The following ATPAF1 variants were observed in gnomAD, a reference collection of about 807,000 sequenced individuals.
ATPAF1 encodes the protein homolog of yeast ATP11.
A neutral mutation model predicts 43.9 loss-of-function variants in ATPAF1; 26 were observed. The ratio of observed to expected loss-of-function variants is 0.59; its 90% CI spans 0.43 to 0.82. The LOEUF (loss-of-function observed/expected upper bound fraction) is 0.82. Ranked by LOEUF, ATPAF1 falls within the 40% of genes least tolerant of loss-of-function variation. ATPAF1 has a pLI of 0.00. For synonymous variants in ATPAF1, 157 were observed against 168.0 expected, an observed-to-expected ratio of 0.93 and a Z score of 0.50; for missense variants, 366 against 435.0, an observed-to-expected ratio of 0.84 and a Z score of 1.41.
At chr1:46,665,748 T>C in intron 1 of ATPAF1, 1 of 1,518,552 alleles carries the variant, frequency 6.6e-7, no homozygotes, top group Non-Finnish European at 8.8e-7. Context: ...CTTGAATACA[T>C]CCAGTTCTTG....
intron 2 of ATPAF1, among the ~76,000 whole-genome samples, chr1:46,662,338 C>G (rs1193387561): frequency 6.6e-6 from 1 of 152,032 alleles, no homozygotes; most frequent in Non-Finnish European, 1.5e-5. Flanking sequence ...TAGGAAATGA[C>G]AATTGTTAAA....
chr1:46,660,056 A>C (rs1171549926), intron 2 of ATPAF1, among the ~76,000 whole-genome samples: 1 of 151,112 alleles, frequency 6.6e-6, no homozygotes, highest in Non-Finnish European at 1.5e-5. Context: ...GGCTCACTGC[A>C]ACCTCTGCCT....
At chr1:46,654,622 T>C (rs1676233269) in intron 4 of ATPAF1, among the ~76,000 whole-genome samples, 1 of 151,598 alleles carries the variant, frequency 6.6e-6, no homozygotes, top group Non-Finnish European at 1.5e-5. Flanking sequence ...ACGTGTGCCA[T>C]GTTGGTTTGC....
At chr1:46,657,536 G>T (rs1676295117) in intron 4 of ATPAF1, among the ~76,000 whole-genome samples, 1 of 152,092 alleles carries the variant, frequency 6.6e-6, no homozygotes, top group African/African-American at 2.4e-5. Flanking sequence ...CTTACTCTAT[G>T]CCAGGGACTG....
chr1:46,638,692 A>G (rs191173429), intron 8 of ATPAF1, among the ~76,000 whole-genome samples: 27 of 151,924 alleles, frequency 1.8e-4, no homozygotes, highest in Admixed American at 1.6e-3. Context: ...ACACAGAGAG[A>G]GATGTCTACC....
intron 6 of ATPAF1, among the ~76,000 whole-genome samples, chr1:46,647,251 T>C (rs1481492352): frequency 2.6e-5 from 4 of 152,186 alleles, no homozygotes; most frequent in African/African-American, 9.7e-5. Context: ...TGGGTCTGTC[T>C]GGTTGTGGTG....
At chr1:46,661,518 T>C (rs654544) in intron 2 of ATPAF1, among the ~76,000 whole-genome samples, 21,334 of 152,198 alleles carry the variant, frequency 0.14, 3,826 homozygotes, top group African/African-American at 0.4. Flanking sequence ...CCCTAATATT[T>C]ACATGCTAAA....
chr1:46,668,032 G>A lies in ATPAF1; in HGVS notation c.266+25C>T. 3 of 1,336,060 alleles carry A rather than the reference G, an allele frequency of 2.2e-6. No individual in the cohort carries two copies. The highest frequency in any genetic ancestry group is 4.1e-5 in the South Asian group (2 of 48,780). 82.8% of individuals were successfully genotyped at this position (1,336,060 alleles called of 1,614,324 possible). A position where few individuals can be genotyped will look rare whatever the true frequency, so the allele number is the denominator to read the frequency against. Reference sequence around the variant, plus strand: ...CCGCCCCTCCTCCCGCCTCCTGCCCGCCTCCAGCCAACCCAGGCCCGCACC... The same window carrying A: ...CCGCCCCTCCTCCCGCCTCCTGCCCACCTCCAGCCAACCCAGGCCCGCACC... On this transcript the variant is annotated intron_variant, in intron 1 of 8. Coordinates refer to ENST00000574428, the Ensembl canonical transcript of ATPAF1. This position sits in a 1 kb window ranked among gnomAD's most constrained non-coding sequence, Gnocchi z 4.4.
In ATPAF1 at chr1:46,668,105, G is replaced by C; in HGVS notation, c.218C>G (p.Ala73Gly). The stretch of plus-strand genomic sequence containing the variant: ...GCGGTAGCGGTCGTAGAAAGGGTTG[G>C]CCTGGAGCTCGGCCTCGGCCCCGAC... Residue 73 changes from alanine to glycine, a missense_variant, in exon 1 of 9, where the codon GCC becomes GGC. Ala to Gly is a moderately conservative substitution (Grantham distance 60). Around this residue, in one of 2 missense-constraint regions of ATPAF1, gnomAD observed 186 missense variants for 168.5 expected, o/e 1.10. Transcript: ENST00000574428. The surrounding 1 kb of genome is among the most constrained non-coding windows in gnomAD (Gnocchi z 4.4). The C allele has an allele frequency of 6.9e-7, 1 of 1,449,462 alleles. No homozygotes were observed. The highest frequency in any genetic ancestry group is 9.1e-7 in the Non-Finnish European group (1 of 1,098,868). The allele number at this position is 1,449,462 out of a possible 1,614,324, so 89.8% of individuals were successfully genotyped here.
rs1478711816 is a variant in ATPAF1 at position 46,668,155 on chromosome 1, G to C, written c.168C>G (p.Pro56=). Residue 56 remains proline (P), a synonymous_variant, in exon 1 of 9, where the codon CCC becomes CCG. Transcript: ENST00000574428. The surrounding 1 kb of genome is among the most constrained non-coding windows in gnomAD (Gnocchi z 4.4). Reference sequence around the variant, plus strand: ...CCCCGCTGCTGTCGGCGCCCCCCTCGGGCCGGCCCGAGCCGGGGCGCACTG... The same window carrying C: ...CCCCGCTGCTGTCGGCGCCCCCCTCCGGCCGGCCCGAGCCGGGGCGCACTG... 1 of 1,399,546 alleles carries C rather than the reference G, an allele frequency of 7.1e-7. No homozygotes were observed. The highest frequency in any genetic ancestry group is 9.3e-7 in the Non-Finnish European group (1 of 1,077,724). The allele number at this position is 1,399,546 out of a possible 1,614,324, so 86.7% of individuals were successfully genotyped here.
rs1278144735 is a variant in ATPAF1, at chr1:46,661,895, TTC to T, written c.376-3160_376-3159del. Among the ~76,000 whole-genome samples, 52 of 149,276 alleles carry T rather than the reference TTC, an allele frequency of 3.5e-4. 7 individuals carry two copies. Among genetic ancestry groups the T allele is most frequent in the East Asian group, 6.2e-4 (3 of 4,868 alleles). ...CATTTTATCATAAAGCTAAATTTCT[TTC>T]TTTTTTTTTTTTTTTAAGATGGAGT... On this transcript the variant is annotated intron_variant, in intron 2 of 8. Coordinates refer to ENST00000574428, the Ensembl canonical transcript of ATPAF1.
At chr1:46,641,202 C>T (rs1159843964) in intron 8 of ATPAF1, among the ~76,000 whole-genome samples, 2 of 152,058 alleles carry the variant, frequency 1.3e-5, no homozygotes, top group Non-Finnish European at 2.9e-5. Context: ...CTCAGCCTTC[C>T]GAGCAGCTGA....
At chr1:46,649,812 G>A (rs947680241) in intron 6 of ATPAF1, among the ~76,000 whole-genome samples, 1 of 152,022 alleles carries the variant, frequency 6.6e-6, no homozygotes, top group Non-Finnish European at 1.5e-5. Flanking sequence ...TGTAATCCCA[G>A]CTACTTAGAA....
chr1:46,668,088 G>C lies in ATPAF1; in HGVS notation c.235C>G (p.Arg79Gly), dbSNP rs1378161854. 4 of 1,453,936 alleles carry C rather than the reference G, an allele frequency of 2.8e-6. No individual in the cohort carries two copies. The Admixed American group carries it at 1.0e-4, about 38-fold the overall frequency. 90.1% of individuals were successfully genotyped at this position (1,453,936 alleles called of 1,614,324 possible). The stretch of plus-strand genomic sequence containing the variant: ...AGCAGCTGGATCTTGTCGCGGTAGC[G>C]GTCGTAGAAAGGGTTGGCCTGGAGC... The change falls in exon 1 of 9, where the codon CGC becomes GGC. Residue 79 changes from arginine to glycine, a missense_variant. Arg to Gly is a moderately radical substitution (Grantham distance 125, BLOSUM62 -2). Transcript: ENST00000574428. This position sits in a 1 kb window ranked among gnomAD's most constrained non-coding sequence, Gnocchi z 4.4.
chr1:46,660,926 A>G (rs1267879557), intron 2 of ATPAF1, among the ~76,000 whole-genome samples: 1 of 151,408 alleles, frequency 6.6e-6, no homozygotes, highest in Non-Finnish European at 1.5e-5. Context: ...TAATATTTCA[A>G]TATTTATAAT....
chr1:46,656,146 G>A lies in ATPAF1; in HGVS notation c.489+1981C>T, dbSNP rs573811233. Among the ~76,000 whole-genome samples, 26 of 152,296 alleles carry A rather than the reference G, an allele frequency of 1.7e-4. No individual in the cohort carries two copies. In the South Asian group the frequency reaches 5.2e-3, roughly 30 times the overall value. Reference sequence around the variant, plus strand: ...CACTTGGAACTGTATCCTGAAGAATGATTAGGAGTTAGAGTAGGGAAATAA... The same window carrying A: ...CACTTGGAACTGTATCCTGAAGAATAATTAGGAGTTAGAGTAGGGAAATAA... On this transcript the variant is annotated intron_variant, in intron 4 of 8. Coordinates refer to ENST00000574428, the Ensembl canonical transcript of ATPAF1.
Position 46,656,443 on chromosome 1 carries a change from C to T in ATPAF1, c.489+1684G>A, listed in dbSNP as rs74845414. 6.5e-3 allele frequency among the ~76,000 whole-genome samples: 993 copies of T among 152,280 alleles called. 11 individuals carry two copies. The highest frequency in any genetic ancestry group is 0.023 in the African/African-American group (951 of 41,538). ...CAGAGCACAAAAGGACTATTAACTC[C>T]TAGGACCTATGGAAACTACTCTCAA... On this transcript the variant is annotated intron_variant, in intron 4 of 8. Transcript: ENST00000574428.
intron 4 of ATPAF1, among the ~76,000 whole-genome samples, chr1:46,655,902 T>C (rs946413269): frequency 2.0e-5 from 3 of 152,242 alleles, no homozygotes; most frequent in African/African-American, 7.2e-5. Context: ...GCCTAGGATA[T>C]GCTACTTCAT....
intron 2 of ATPAF1, among the ~76,000 whole-genome samples, chr1:46,662,906 A>G (rs1048840167): frequency 5.9e-5 from 9 of 152,078 alleles, no homozygotes; most frequent in Non-Finnish European, 7.4e-5. Flanking sequence ...AACATTAGGT[A>G]TATCTCCTAA....
Sources: gnomAD v4.1 joint callset for allele counts (sites outside exome capture counted in the v4.1 genomes callset) on GRCh38, gnomAD v4.1.1 for gene constraint, gnomAD v4.1.1 regional missense constraint, Gnocchi (gnomAD v3.1) non-coding constraint, MANE v1.5 for transcripts, NCBI Gene and HGNC (gene_info 2026-07-23, HGNC 2026-07-21) for gene names.